Variants in ASTN1 observed in about 807,000 individuals in gnomAD.
ASTN1 encodes the protein astrotactin-1.
Under a neutral mutation model 140.7 loss-of-function variants are expected in ASTN1, and 41 were observed. That is an observed-to-expected ratio of 0.29 (90% CI 0.23 to 0.38). The LOEUF (loss-of-function observed/expected upper bound fraction) is 0.38. Among genes scored for constraint, ASTN1 ranks in the 10% least tolerant of loss-of-function variants. The pLI is 1.00. For synonymous variants in ASTN1, 640 were observed against 652.2 expected (o/e 0.98, Z 0.29); for missense variants, 1,479 against 1,678.8 (o/e 0.88, Z 2.08).
At chr1:177,020,434 C>T (rs953621224) in intron 7 of ASTN1, among the ~76,000 whole-genome samples, 2 of 152,138 alleles carry the variant, frequency 1.3e-5, no homozygotes, top group African/African-American at 4.8e-5. Flanking sequence ...GCTCATGCCT[C>T]CTTCCTCCAT....
chr1:176,939,374 C>T (rs1439147111), intron 14 of ASTN1, among the ~76,000 whole-genome samples: 2 of 152,148 alleles, frequency 1.3e-5, no homozygotes, highest in Non-Finnish European at 2.9e-5. Context: ...GTTCCATATC[C>T]ATCCAGAATG....
intron 1 of ASTN1, among the ~76,000 whole-genome samples, chr1:177,118,783 G>A (rs71628226): frequency 0.058 from 8,902 of 152,196 alleles, 349 homozygotes; most frequent in Non-Finnish European, 0.088. Context: ...AATGCCCCAG[G>A]AAGGCTTGGG....
chr1:176,986,748 G>C (rs1170394341), intron 8 of ASTN1, among the ~76,000 whole-genome samples: 1 of 152,014 alleles, frequency 6.6e-6, no homozygotes, highest in East Asian at 1.9e-4. Context: ...GTAGAACAAC[G>C]ATAATAATGC....
At chr1:177,164,098 A>G (rs1333930473) in intron 1 of ASTN1, among the ~76,000 whole-genome samples, 1 of 152,264 alleles carries the variant, frequency 6.6e-6, no homozygotes, top group Non-Finnish European at 1.5e-5. Flanking sequence ...CTCCTGAATC[A>G]AAGCTGGGAG....
At chr1:176,868,616 A>G (rs970537710) in intron 22 of ASTN1, among the ~76,000 whole-genome samples, 1 of 152,218 alleles carries the variant, frequency 6.6e-6, no homozygotes, top group African/African-American at 2.4e-5. Context: ...GTCAAGAGCA[A>G]AATTTTTTTT....
chr1:177,004,459 G>GA (rs1297269468), intron 8 of ASTN1, among the ~76,000 whole-genome samples: 3 of 151,970 alleles, frequency 2.0e-5, no homozygotes, highest in Non-Finnish European at 4.4e-5. Context: ...CACAGAATTA[G>GA]AAAAAACAAT....
intron 12 of ASTN1, among the ~76,000 whole-genome samples, chr1:176,948,305 G>A (rs537318250): frequency 1.4e-5 from 2 of 144,068 alleles, no homozygotes; most frequent in East Asian, 2.4e-4. Flanking sequence ...GGAGGGAGAG[G>A]GGGGAGAATG....
At chr1:177,122,280 G>A (rs1357255225) in intron 1 of ASTN1, among the ~76,000 whole-genome samples, 1 of 152,302 alleles carries the variant, frequency 6.6e-6, no homozygotes, top group Non-Finnish European at 1.5e-5. Context: ...GAAGTGACAG[G>A]AGCCATGTCT....
intron 8 of ASTN1, among the ~76,000 whole-genome samples, chr1:176,971,943 C>T (rs1031827166): frequency 6.6e-6 from 1 of 152,132 alleles, no homozygotes; most frequent in African/African-American, 2.4e-5. Flanking sequence ...CTGAGAAATG[C>T]ATCATTAAGT....
chr1:176,879,049 T>C (rs555641335), intron 20 of ASTN1, among the ~76,000 whole-genome samples: 1 of 152,278 alleles, frequency 6.6e-6, no homozygotes, highest in East Asian at 1.9e-4. Context: ...TTCTCATCAG[T>C]GTCAGGAGAT....
chr1:177,046,936 C>T (rs2102005668), intron 2 of ASTN1, among the ~76,000 whole-genome samples: 1 of 152,284 alleles, frequency 6.6e-6, no homozygotes, highest in African/African-American at 2.4e-5. Flanking sequence ...AGCCATTCAG[C>T]CATTTAACCT....
intron 16 of ASTN1, among the ~76,000 whole-genome samples, chr1:176,921,760 C>T (rs1670733400): frequency 6.6e-6 from 1 of 152,102 alleles, no homozygotes; most frequent in Non-Finnish European, 1.5e-5. Context: ...TCACCTCACA[C>T]ATACAAAACA....
intron 1 of ASTN1, among the ~76,000 whole-genome samples, chr1:177,090,783 A>G (rs899025619): frequency 1.3e-5 from 2 of 152,086 alleles, no homozygotes; most frequent in Non-Finnish European, 2.9e-5. Flanking sequence ...TCCCATGTCT[A>G]TAAGAAAACC....
chr1:176,920,690 A>G lies in ASTN1; in HGVS notation c.2671+13462T>C, dbSNP rs1221326841. On this transcript the variant is annotated intron_variant, in intron 16 of 22. Coordinates refer to ENST00000361833, the MANE Select transcript of ASTN1 (RefSeq NM_004319.3). ...CATGGGTTCCGCTGAGGGCTCAGCC[A>G]CACTGTCCTATGGACACTGGCTTGC... is the stretch of plus-strand genomic sequence containing the variant. 2.0e-5 allele frequency among the ~76,000 whole-genome samples: 3 copies of G among 152,216 alleles called. No individual in the cohort carries two copies. In the East Asian group the frequency reaches 5.8e-4, roughly 29 times the overall value.
At position 176,861,987 on chromosome 1, in the gene ASTN1, G is replaced by A. The variant is rs571525141; in HGVS notation, c.*2297C>T. 2.6e-5 allele frequency: 26 copies of A among 985,542 alleles called. No individual in the cohort carries two copies. The highest frequency in any genetic ancestry group is 1.8e-4 in the Admixed American group (3 of 16,282). 61.0% of individuals were successfully genotyped at this position (985,542 alleles called of 1,614,324 possible). ...ATCCACTTCTGGGCAGGAAGGCATCGGCAGCCTCACCCTCCTTTCACTCAA... is the reference window on the plus strand; with the variant it reads ...ATCCACTTCTGGGCAGGAAGGCATCAGCAGCCTCACCCTCCTTTCACTCAA... On this transcript the variant is annotated 3_prime_UTR_variant, in exon 23 of 23. Coordinates refer to ENST00000361833, the MANE Select transcript of ASTN1 (RefSeq NM_004319.3).
At chr1:177,139,921 C>T (rs979054796) in intron 1 of ASTN1, among the ~76,000 whole-genome samples, 2 of 152,024 alleles carry the variant, frequency 1.3e-5, no homozygotes, top group Non-Finnish European at 2.9e-5. Context: ...GAAATTTTTT[C>T]TGTATATAGC....
chr1:177,046,362 T>C (rs1290410253), intron 2 of ASTN1, among the ~76,000 whole-genome samples: 2 of 152,224 alleles, frequency 1.3e-5, no homozygotes, highest in African/African-American at 4.8e-5. Flanking sequence ...TACCTATTAT[T>C]AGTATCAAAT....
At chr1:176,914,292 G>A (rs1202152306) in intron 16 of ASTN1, among the ~76,000 whole-genome samples, 1 of 152,178 alleles carries the variant, frequency 6.6e-6, no homozygotes, top group Non-Finnish European at 1.5e-5. Flanking sequence ...GACTTTGGAG[G>A]AGAGAGGACA....
At chr1:177,143,389 G>A (rs932567394) in intron 1 of ASTN1, among the ~76,000 whole-genome samples, 2 of 152,130 alleles carry the variant, frequency 1.3e-5, no homozygotes, top group East Asian at 1.9e-4. Context: ...CTATGGCCAC[G>A]CGCAGGGACT....
Sources: gnomAD v4.1 joint callset for allele counts (sites outside exome capture counted in the v4.1 genomes callset) on GRCh38, gnomAD v4.1.1 for gene constraint, MANE v1.5 for transcripts, NCBI Gene and HGNC (gene_info 2026-07-23, HGNC 2026-07-21) for gene names.